The following UPF2 variants were observed in gnomAD, a reference collection of about 807,000 sequenced individuals.
The protein encoded by UPF2 is regulator of nonsense transcripts 2.
Under a neutral mutation model 141.4 loss-of-function variants are expected in UPF2, and 17 were observed. That is an observed-to-expected ratio of 0.12 (90% CI 0.08 to 0.18). UPF2 has a LOEUF of 0.18. Ranked by LOEUF, UPF2 falls within the 10% of genes least tolerant of loss-of-function variation. The pLI, the probability that UPF2 is intolerant of heterozygous loss-of-function variation, is 1.00. For synonymous variants in UPF2, 540 were observed against 498.0 expected (o/e 1.08, Z -1.12); for missense variants, 1,152 against 1,515.9 (o/e 0.76, Z 3.99).
At chr10:11,955,796 T>C (rs1170727334) in intron 13 of UPF2, among the ~76,000 whole-genome samples, 1 of 152,194 alleles carries the variant, frequency 6.6e-6, no homozygotes, top group Non-Finnish European at 1.5e-5. Flanking sequence ...CTTAACCTAT[T>C]TTCTCTGCCA....
chr10:11,969,371 ATGTTG>A (rs1833377134), intron 9 of UPF2, among the ~76,000 whole-genome samples: 1 of 150,840 alleles, frequency 6.6e-6, no homozygotes, highest in Non-Finnish European at 1.5e-5. Flanking sequence ...GGGTTTCACT[ATGTTG>A]GTCAGGCTGG....
intron 16 of UPF2, among the ~76,000 whole-genome samples, chr10:11,946,728 C>A (rs1046667188): frequency 6.6e-6 from 1 of 152,150 alleles, no homozygotes; most frequent in Non-Finnish European, 1.5e-5. Flanking sequence ...TCTCAGACAT[C>A]CTTTTATTTT....
chr10:11,998,356 G>A lies in UPF2; in HGVS notation c.1759-599C>T, dbSNP rs77027464. On this transcript the variant is annotated intron_variant, in intron 7 of 21. Coordinates refer to ENST00000357604, the MANE Select transcript of UPF2 (RefSeq NM_015542.4). This position sits in a 1 kb window ranked among gnomAD's most constrained non-coding sequence, Gnocchi z 4.5. ...CCCTGTCTAAAATTTCATAAAACAGGGAATTTATCTAGATGACCATTACCA... is the reference window on the plus strand; with the variant it reads ...CCCTGTCTAAAATTTCATAAAACAGAGAATTTATCTAGATGACCATTACCA... 4.8e-3 allele frequency among the ~76,000 whole-genome samples: 726 copies of A among 152,050 alleles called. 10 individuals are homozygous for A. The highest frequency in any genetic ancestry group is 0.017 in the African/African-American group (687 of 41,486).
At chr10:11,937,008 C>T (rs1018230499) in intron 18 of UPF2, among the ~76,000 whole-genome samples, 2 of 152,198 alleles carry the variant, frequency 1.3e-5, no homozygotes, top group East Asian at 3.8e-4. Flanking sequence ...CTACCAAATC[C>T]CCCTGCTCCT....
intron 2 of UPF2, among the ~76,000 whole-genome samples, chr10:12,032,676 C>T (rs976931912): frequency 1.1e-4 from 16 of 150,144 alleles, no homozygotes; most frequent in Admixed American, 6.7e-5. Flanking sequence ...AGGCAGAGAT[C>T]GCAGTGAGCC....
chr10:12,018,431 A>G (rs1834261249), intron 3 of UPF2, among the ~76,000 whole-genome samples: 1 of 152,086 alleles, frequency 6.6e-6, no homozygotes, highest in Admixed American at 6.5e-5. Flanking sequence ...AAATACAAAA[A>G]TTAGCCAGGC....
intron 8 of UPF2, among the ~76,000 whole-genome samples, chr10:11,994,649 T>C (rs1053565431): frequency 1.3e-5 from 2 of 152,194 alleles, no homozygotes; most frequent in Non-Finnish European, 2.9e-5. Flanking sequence ...CCAAACACTA[T>C]ACTTGGTGTT....
intron 9 of UPF2, among the ~76,000 whole-genome samples, chr10:11,974,829 T>C (rs1230327663): frequency 1.3e-5 from 2 of 152,124 alleles, no homozygotes; most frequent in Non-Finnish European, 2.9e-5. Context: ...CAAAGTAGAG[T>C]GCATAAGACT....
chr10:12,003,737 C>T (rs1833989333), intron 5 of UPF2, among the ~76,000 whole-genome samples: 1 of 151,936 alleles, frequency 6.6e-6, no homozygotes, highest in Non-Finnish European at 1.5e-5. Flanking sequence ...ACCAGCCTGA[C>T]CAACATGGTG....
At chr10:11,964,206 T>C in intron 10 of UPF2, 81 bp from the exon 11 acceptor site, 6 of 981,974 alleles carry the variant, frequency 6.1e-6, no homozygotes, top group Non-Finnish European at 8.8e-6. Context: ...ATCTAATGTG[T>C]GTAACAACTT....
At chr10:11,995,851 G>A (rs574075445) in intron 8 of UPF2, among the ~76,000 whole-genome samples, 1 of 152,068 alleles carries the variant, frequency 6.6e-6, no homozygotes, top group African/African-American at 2.4e-5. Flanking sequence ...TGCACATACT[G>A]TTGCCTCTGT....
chr10:11,984,367 T>C (rs1055578517), intron 8 of UPF2, among the ~76,000 whole-genome samples: 6 of 152,324 alleles, frequency 3.9e-5, no homozygotes, highest in South Asian at 2.1e-4. Flanking sequence ...AAGCGTATCA[T>C]CTGCTCATTT....
At chr10:11,922,428 G>A (rs536966407) in intron 21 of UPF2, among the ~76,000 whole-genome samples, 1 of 152,258 alleles carries the variant, frequency 6.6e-6, no homozygotes, top group South Asian at 2.1e-4. Context: ...ATGAACTGAT[G>A]GAAAGAACAC....
At position 12,036,410 on chromosome 10, in the gene UPF2, T is replaced by C. The variant is rs549215524; in HGVS notation, c.-18-969A>G. On this transcript the variant is annotated intron_variant, in intron 1 of 21. Transcript: ENST00000357604. ...TTACTTAAATGTAAATTAATTAAAA[T>C]TAAATAAAATTTGAAATTCAGTTCT... Among the ~76,000 whole-genome samples, 8 of 152,326 alleles carry C rather than the reference T, an allele frequency of 5.3e-5. No individual in the cohort carries two copies. The East Asian group carries it at 1.2e-3, about 22-fold the overall frequency.
intron 3 of UPF2, among the ~76,000 whole-genome samples, chr10:12,017,909 A>AT (rs1411516668): frequency 1.3e-5 from 2 of 151,870 alleles, no homozygotes; most frequent in Non-Finnish European, 2.9e-5. Context: ...CAACCCCCAG[A>AT]TTTTTTCTTT....
At chr10:12,031,194 A>C (rs1834518452) in intron 2 of UPF2, among the ~76,000 whole-genome samples, 1 of 151,068 alleles carries the variant, frequency 6.6e-6, no homozygotes, top group Admixed American at 6.6e-5. Context: ...AAAAAAACAA[A>C]ACAGTTTTGC....
At chr10:11,993,918 G>A (rs1266973331) in intron 8 of UPF2, among the ~76,000 whole-genome samples, 1 of 152,162 alleles carries the variant, frequency 6.6e-6, no homozygotes, top group Admixed American at 6.5e-5. Flanking sequence ...GAGCCTGGGA[G>A]GTTGAGGCTG....
chr10:12,042,483 C>T lies in UPF2; in HGVS notation c.-19+272G>A, dbSNP rs974378566. On this transcript the variant is annotated intron_variant, in intron 1 of 21. Transcript: ENST00000357604. The surrounding 1 kb of genome is among the most constrained non-coding windows in gnomAD (Gnocchi z 5.5). Reference sequence around the variant, plus strand: ...GCTCCCCGCCTCCAGTCTCGAGGCCCGGCCCAGGCATGTGGGGCAGGCACC... The same window carrying T: ...GCTCCCCGCCTCCAGTCTCGAGGCCTGGCCCAGGCATGTGGGGCAGGCACC... Among the ~76,000 whole-genome samples, 1 of 152,204 alleles carries T rather than the reference C, an allele frequency of 6.6e-6. No individual in the cohort carries two copies. Among genetic ancestry groups the T allele is most frequent in the Non-Finnish European group, 1.5e-5 (1 of 68,036 alleles).
chr10:11,959,621 G>A lies in UPF2; in HGVS notation c.2185-265C>T, dbSNP rs1833209313. ...CAAAAGATACAAAAATTAGCCAGGT[G>A]TGGTGGCGCACACCTGTAGTCCCAG... On this transcript the variant is annotated intron_variant, in intron 11 of 21. Coordinates refer to ENST00000357604, the MANE Select transcript of UPF2 (RefSeq NM_015542.4). The surrounding 1 kb of genome is among the most constrained non-coding windows in gnomAD (Gnocchi z 5.9). Among the ~76,000 whole-genome samples, 1 of 152,022 alleles carries A rather than the reference G, an allele frequency of 6.6e-6. No individual in the cohort carries two copies. The highest frequency in any genetic ancestry group is 2.4e-5 in the African/African-American group (1 of 41,396).
Sources: gnomAD v4.1 joint callset for allele counts (sites outside exome capture counted in the v4.1 genomes callset) on GRCh38, gnomAD v4.1.1 for gene constraint, Gnocchi (gnomAD v3.1) non-coding constraint, MANE v1.5 for transcripts, NCBI Gene and HGNC (gene_info 2026-07-23, HGNC 2026-07-21) for gene names.